Variants in FRMD4A observed in about 807,000 individuals in gnomAD.
The protein encoded by FRMD4A is FERM domain containing 4A.
Under a neutral mutation model 129.1 loss-of-function variants are expected in FRMD4A, and 29 were observed. The observed-to-expected ratio is 0.22, with a 90% confidence interval of 0.17 to 0.31. FRMD4A has a LOEUF of 0.31. FRMD4A is among the 10% of genes least tolerant of loss of function. The pLI, the probability that FRMD4A is intolerant of heterozygous loss-of-function variation, is 1.00. For synonymous variants in FRMD4A, 634 were observed against 571.6 expected (o/e 1.11, Z -1.56); for missense variants, 1,272 against 1,375.8 (o/e 0.92, Z 1.19).
intron 2 of FRMD4A, among the ~76,000 whole-genome samples, chr10:13,936,557 C>T (rs991498301): frequency 6.6e-6 from 1 of 152,170 alleles, no homozygotes; most frequent in Admixed American, 6.5e-5. Flanking sequence ...CAGAATCTCC[C>T]TCACCCCTTC....
intron 15 of FRMD4A, among the ~76,000 whole-genome samples, chr10:13,682,493 CTTTCTTTTT>C (rs1274666421): frequency 1.0e-4 from 10 of 96,260 alleles, no homozygotes; most frequent in Non-Finnish European, 2.4e-4. Flanking sequence ...CATTTTCTTT[CTTTCTTTTT>C]TTTTTTTTTT....
At chr10:13,775,937 A>T (rs538609546) in intron 6 of FRMD4A, among the ~76,000 whole-genome samples, 22 of 152,338 alleles carry the variant, frequency 1.4e-4, no homozygotes, top group African/African-American at 5.3e-4. Context: ...TTTGGGTAAA[A>T]CAATGGGTTG....
chr10:13,904,998 A>G (rs1434764092), intron 2 of FRMD4A, among the ~76,000 whole-genome samples: 1 of 150,954 alleles, frequency 6.6e-6, no homozygotes, highest in Non-Finnish European at 1.5e-5. Context: ...ATCTCAAAAA[A>G]AAAAAAAAAA....
At chr10:13,858,478 T>G (rs1564923401) in intron 3 of FRMD4A, among the ~76,000 whole-genome samples, 1 of 152,124 alleles carries the variant, frequency 6.6e-6, no homozygotes, top group Non-Finnish European at 1.5e-5. Context: ...GAACCAAACC[T>G]TTTTCTATCC....
At chr10:14,101,206 G>A (rs1837282489) in intron 2 of FRMD4A, among the ~76,000 whole-genome samples, 1 of 152,178 alleles carries the variant, frequency 6.6e-6, no homozygotes, top group African/African-American at 2.4e-5. Context: ...CTTCTCACCT[G>A]TGATTTCATA....
intron 2 of FRMD4A, among the ~76,000 whole-genome samples, chr10:14,150,038 G>C (rs1349606624): frequency 2.0e-5 from 3 of 152,196 alleles, no homozygotes; most frequent in African/African-American, 7.2e-5. Flanking sequence ...AGTGGCAGGA[G>C]AGAGTGTGAA....
intron 2 of FRMD4A, among the ~76,000 whole-genome samples, chr10:14,095,693 G>C (rs1034441094): frequency 1.2e-4 from 19 of 152,200 alleles, no homozygotes; most frequent in African/African-American, 4.6e-4. Context: ...TCAATAGGAA[G>C]CAATGAAACA....
chr10:14,024,859 T>G, intron 2 of FRMD4A, among the ~76,000 whole-genome samples: 1 of 152,252 alleles, frequency 6.6e-6, no homozygotes, highest in East Asian at 1.9e-4. Context: ...CACATGTTTT[T>G]GACTCTAGCC....
At chr10:14,115,986 T>C (rs952303699) in intron 2 of FRMD4A, among the ~76,000 whole-genome samples, 3 of 152,230 alleles carry the variant, frequency 2.0e-5, no homozygotes, top group Non-Finnish European at 4.4e-5. Context: ...GAAAGAAGCA[T>C]TGCCCATAAT....
chr10:14,222,754 G>A (rs1472059365), intron 2 of FRMD4A, among the ~76,000 whole-genome samples: 1 of 152,090 alleles, frequency 6.6e-6, no homozygotes, highest in African/African-American at 2.4e-5. Context: ...GTTTATTGTT[G>A]ATTTCAAGTG....
intron 2 of FRMD4A, among the ~76,000 whole-genome samples, chr10:13,968,242 A>G (rs1488956118): frequency 6.6e-6 from 1 of 152,190 alleles, no homozygotes; most frequent in Non-Finnish European, 1.5e-5. Flanking sequence ...AAAGTTCCCT[A>G]GGTGAACTCA....
chr10:13,659,983 T>G (rs1564539947), intron 20 of FRMD4A, among the ~76,000 whole-genome samples: 1 of 152,244 alleles, frequency 6.6e-6, no homozygotes, highest in Admixed American at 6.5e-5. Flanking sequence ...TGAACCACTC[T>G]GCATTTGCTC....
At chr10:14,300,279 GGA>G (rs1471763317) in intron 2 of FRMD4A, among the ~76,000 whole-genome samples, 1 of 152,138 alleles carries the variant, frequency 6.6e-6, no homozygotes, top group South Asian at 2.1e-4. Flanking sequence ...GAATTACCCA[GGA>G]GAGAGAAGGC....
chr10:13,807,057 T>C (rs959693690), intron 4 of FRMD4A, among the ~76,000 whole-genome samples: 13 of 152,314 alleles, frequency 8.5e-5, no homozygotes, highest in African/African-American at 3.1e-4. Flanking sequence ...TCCGCCCACC[T>C]CGGCCTCCCA....
At chr10:13,877,752 C>T (rs1263304570) in intron 2 of FRMD4A, among the ~76,000 whole-genome samples, 1 of 152,216 alleles carries the variant, frequency 6.6e-6, no homozygotes, top group Non-Finnish European at 1.5e-5. Flanking sequence ...CTGGCAGATC[C>T]CTCCTTCCAT....
chr10:13,725,183 G>A lies in FRMD4A; in HGVS notation c.759+12661C>T, dbSNP rs557137397. Among the ~76,000 whole-genome samples, 4 of 152,200 alleles carry A rather than the reference G, an allele frequency of 2.6e-5. No homozygotes were observed. In the South Asian group the frequency reaches 6.2e-4, roughly 24 times the overall value. ...AGGATTCCCGATCATCTCATCAACC[G>A]ACTTGTTAAGAAAACTGAGGCCCAG... On this transcript the variant is annotated intron_variant, in intron 12 of 24. Coordinates refer to ENST00000357447, the MANE Select transcript of FRMD4A (RefSeq NM_018027.5).
At chr10:13,734,372 A>G (rs757147388) in intron 12 of FRMD4A, among the ~76,000 whole-genome samples, 71 of 152,168 alleles carry the variant, frequency 4.7e-4, no homozygotes, top group African/African-American at 1.6e-3. Context: ...CTCAGCTTCA[A>G]ATAGACCGCG....
In FRMD4A at chr10:13,674,959, G is replaced by C. The variant is rs757556960; in HGVS notation, c.1203C>G (p.Thr401=). The change falls in exon 16 of 25, where the codon ACC becomes ACG. Residue 401 remains threonine (T), a synonymous_variant. Transcript: ENST00000357447. The stretch of plus-strand genomic sequence containing the variant: ...TCAGTTCCTCCAGCCTCTGACGCAG[G>C]GTTTCCTCCAGAGCTTCCTGCCTGG... ...LKSRQEALEE[T]LRQRLEELKK... 7 of 1,614,078 alleles carry C rather than the reference G, an allele frequency of 4.3e-6. No homozygotes were observed. Among genetic ancestry groups the C allele is most frequent in the Non-Finnish European group, 5.9e-6 (7 of 1,179,942 alleles).
chr10:13,685,490 T>G (rs1333416273), intron 15 of FRMD4A: 10 of 985,082 alleles, frequency 1.0e-5, no homozygotes, highest in Non-Finnish European at 1.2e-5. Flanking sequence ...ATGAGGGAGC[T>G]GACCTATCTT....
Sources: allele counts gnomAD v4.1 joint callset (sites outside exome capture counted in the v4.1 genomes callset), GRCh38; gene constraint gnomAD v4.1.1; transcripts MANE v1.5; gene names NCBI Gene and HGNC (gene_info 2026-07-23, HGNC 2026-07-21).